PARP15: variants seen among roughly 807,000 people sequenced by gnomAD.
The protein encoded by PARP15 is protein mono-ADP-ribosyltransferase PARP15.
A neutral mutation model predicts 62.1 loss-of-function variants in PARP15; 50 were observed. The ratio of observed to expected loss-of-function variants is 0.81; its 90% CI spans 0.64 to 1.02. The LOEUF (loss-of-function observed/expected upper bound fraction) is 1.02, where lower values mean the gene tolerates loss of function less well. Ranked by LOEUF, PARP15 falls within the 50% of genes least tolerant of loss-of-function variation. PARP15 has a pLI of 0.00. For missense variants in PARP15, 820 were observed against 826.5 expected (o/e 0.99, Z 0.10); for synonymous variants, 309 against 293.1 (o/e 1.05, Z -0.55).
At chr3:122,617,751 C>T (rs1047556200) in intron 6 of PARP15, among the ~76,000 whole-genome samples, 2 of 152,256 alleles carry the variant, frequency 1.3e-5, no homozygotes, top group South Asian at 2.1e-4. Context: ...TTTTTTGAGG[C>T]GGAGTCTCAC....
At position 122,577,822 on chromosome 3, in the gene PARP15, A is replaced by AGGCCTCCCGGCGCTC. The variant is rs749937314; in HGVS notation, c.156_170dup (p.Ala53_Ser57dup). 30 of 1,550,142 alleles carry AGGCCTCCCGGCGCTC rather than the reference A, an allele frequency of 1.9e-5. No individual in the cohort carries two copies. In the South Asian group the frequency reaches 2.6e-4, roughly 14 times the overall value. ...CCGGCCGGGAACCGTGGGGCGCGGA[A>AGGCCTCCCGGCGCTC]GGCCTCCCGGCGCTCTTCCTCCCGG... On this transcript the variant is annotated inframe_insertion, in exon 1 of 12. Coordinates refer to ENST00000464300, the MANE Select transcript of PARP15 (RefSeq NM_001113523.3).
At chr3:122,611,387 A>G (rs1445590689) in intron 3 of PARP15, among the ~76,000 whole-genome samples, 1 of 151,774 alleles carries the variant, frequency 6.6e-6, no homozygotes, top group African/African-American at 2.4e-5. Flanking sequence ...GCTGGAGTGC[A>G]GTGGGGCGCC....
chr3:122,587,788 AG>A (rs1358824447), intron 1 of PARP15, among the ~76,000 whole-genome samples: 1 of 152,168 alleles, frequency 6.6e-6, no homozygotes, highest in Non-Finnish European at 1.5e-5. Context: ...CTAAAGTACT[AG>A]GATTACAGGC....
rs1416639821 is a variant in PARP15 at position 122,597,496 on chromosome 3, A to G, written c.187-8440A>G. On this transcript the variant is annotated intron_variant, in intron 1 of 11. Transcript: ENST00000464300. ...ATCCTGATCTCGAACTCCCAACCGCAGGTGATCTGCCCGCCTTGGCCTCCC... is the reference window on the plus strand; with the variant it reads ...ATCCTGATCTCGAACTCCCAACCGCGGGTGATCTGCCCGCCTTGGCCTCCC... Among the ~76,000 whole-genome samples, 3 of 152,298 alleles carry G rather than the reference A, an allele frequency of 2.0e-5. No homozygotes were observed. The East Asian group carries it at 5.8e-4, about 29-fold the overall frequency.
intron 1 of PARP15, among the ~76,000 whole-genome samples, chr3:122,598,957 G>A (rs368080243): frequency 6.4e-4 from 97 of 152,112 alleles, no homozygotes; most frequent in African/African-American, 2.2e-3. Flanking sequence ...GTGCAGTGGC[G>A]TGATCTCAGC....
chr3:122,585,200 A>G (rs1338943158), intron 1 of PARP15, among the ~76,000 whole-genome samples: 1 of 152,206 alleles, frequency 6.6e-6, no homozygotes, highest in Non-Finnish European at 1.5e-5. Context: ...GAGTCAGCTG[A>G]CACAGACAGG....
rs564988290 is a variant in PARP15, at chr3:122,617,123, T to C, written c.959T>C (p.Val320Ala). The C allele has an allele frequency of 1.1e-5, 18 of 1,613,938 alleles. No homozygotes were observed. In the African/African-American group the frequency reaches 2.4e-4, roughly 22 times the overall value. ...GATATAGCCACTGAACAGGTAGATG[T>C]TATTGTAAACTCAACAGCAAGGACA... Reference protein sequence around the residue: ...TGDIATEQVDVIVNSTARTFN... With the variant: ...TGDIATEQVDAIVNSTARTFN... Residue 320 changes from valine to alanine, a missense_variant, in exon 6 of 12, where the codon GTT becomes GCT. Physicochemically the swap from Val to Ala is moderately conservative, Grantham distance 64. Transcript: ENST00000464300.
At chr3:122,613,852 C>A in intron 4 of PARP15, among the ~76,000 whole-genome samples, 1 of 121,392 alleles carries the variant, frequency 8.2e-6, no homozygotes, top group Non-Finnish European at 1.6e-5. Context: ...GACAGAGTCT[C>A]GTTCTGTTAC....
intron 1 of PARP15, among the ~76,000 whole-genome samples, chr3:122,584,591 G>A (rs13093743): frequency 0.25 from 18,032 of 72,270 alleles, 1,359 homozygotes; most frequent in East Asian, 0.37. Context: ...TTTTTTTTCC[G>A]AGATGGAGTT....
intron 1 of PARP15, among the ~76,000 whole-genome samples, chr3:122,591,808 T>C (rs992414940): frequency 4.0e-5 from 6 of 150,630 alleles, no homozygotes; most frequent in African/African-American, 1.5e-4. Context: ...ACTATAGCTT[T>C]CACCTTTCAT....
At chr3:122,611,081 C>CT (rs1935533939) in intron 3 of PARP15, among the ~76,000 whole-genome samples, 2 of 152,254 alleles carry the variant, frequency 1.3e-5, no homozygotes, top group East Asian at 3.9e-4. Flanking sequence ...CATTGGGATT[C>CT]TACAGGAGTG....
intron 7 of PARP15, among the ~76,000 whole-genome samples, chr3:122,620,139 T>G (rs1183952145): frequency 6.6e-6 from 1 of 152,210 alleles, no homozygotes; most frequent in Non-Finnish European, 1.5e-5. Context: ...GTCATCTAAC[T>G]GCTAAGAGCT....
At chr3:122,600,792 C>CCTTT (rs527288579) in intron 1 of PARP15, among the ~76,000 whole-genome samples, 10 of 144,160 alleles carry the variant, frequency 6.9e-5, no homozygotes, top group South Asian at 4.3e-4. Context: ...TCATTATTAC[C>CCTTT]TTTTTTTTTT....
chr3:122,616,889 A>G, intron 5 of PARP15, 126 bp from the exon 6 acceptor site: 1 of 1,010,774 alleles, frequency 9.9e-7, no homozygotes, highest in Admixed American at 2.5e-5. Flanking sequence ...AGATGTGGCA[A>G]TATTTCGGTT....
chr3:122,614,479 T>C (rs1396940591), intron 4 of PARP15, among the ~76,000 whole-genome samples: 1 of 152,200 alleles, frequency 6.6e-6, no homozygotes, highest in African/African-American at 2.4e-5. Flanking sequence ...AGCAAATTTA[T>C]CCATAGGAAA....
At chr3:122,595,137 A>G (rs996690539) in intron 1 of PARP15, among the ~76,000 whole-genome samples, 6 of 152,206 alleles carry the variant, frequency 3.9e-5, no homozygotes, top group African/African-American at 1.4e-4. Context: ...CAAGCTTTGA[A>G]CAGGTTCTAT....
chr3:122,610,654 G>T lies in PARP15; in HGVS notation c.467G>T (p.Gly156Val). Residue 156 changes from glycine to valine, a missense_variant, in exon 3 of 12, where the codon GGC becomes GTC. Gly to Val is a moderately radical substitution (Grantham distance 109). Transcript: ENST00000464300. Reference protein sequence around the residue: ...EKVGNIFMTSGCNLDCKAVLH... With the variant: ...EKVGNIFMTSVCNLDCKAVLH... Reference sequence around the variant, plus strand: ...GTAGGTAACATATTCATGACAAGCGGCTGCAATCTGGACTGCAAAGCTGTG... The same window carrying T: ...GTAGGTAACATATTCATGACAAGCGTCTGCAATCTGGACTGCAAAGCTGTG... The T allele has an allele frequency of 6.4e-7, 1 of 1,551,290 alleles. No individual in the cohort carries two copies. Among genetic ancestry groups the T allele is most frequent in the Non-Finnish European group, 8.7e-7 (1 of 1,146,738 alleles).
chr3:122,619,580 G>C (rs1473807812), intron 6 of PARP15, among the ~76,000 whole-genome samples: 1 of 152,160 alleles, frequency 6.6e-6, no homozygotes, highest in Non-Finnish European at 1.5e-5. Flanking sequence ...TTCAGCTCCT[G>C]GGCACTTCCA....
rs774977722 is a variant in PARP15 at position 122,636,093 on chromosome 3, C to T, written c.2030C>T (p.Thr677Met). 13 of 1,607,856 alleles carry T rather than the reference C, an allele frequency of 8.1e-6. No homozygotes were observed. Among genetic ancestry groups the T allele is most frequent in the South Asian group, 4.4e-5 (4 of 90,754 alleles). The change falls in exon 12 of 12, where the codon ACG becomes ATG. Residue 677 changes from threonine to methionine, a missense_variant. Transcript: ENST00000464300. ...TACCCAGAATATCTCATAACTTTCA[C>T]GGCTTAAAAATATTTTTATCATCAA... Reference protein sequence around the residue: ...QAYPEYLITFTA With the variant: ...QAYPEYLITFMA
Sources: allele counts gnomAD v4.1 joint callset (sites outside exome capture counted in the v4.1 genomes callset), GRCh38; gene constraint gnomAD v4.1.1; transcripts MANE v1.5; gene names NCBI Gene and HGNC (gene_info 2026-07-23, HGNC 2026-07-21).